PTK2B: variants seen among roughly 807,000 people sequenced by gnomAD.
PTK2B encodes the protein protein-tyrosine kinase 2-beta.
A neutral mutation model predicts 142.9 loss-of-function variants in PTK2B; 71 were observed. The ratio of observed to expected loss-of-function variants is 0.50; its 90% confidence interval spans 0.41 to 0.61. The LOEUF (loss-of-function observed/expected upper bound fraction) is 0.61. Ranked by LOEUF, PTK2B falls within the 20% of genes least tolerant of loss-of-function variation. The pLI, the probability that PTK2B is intolerant of heterozygous loss-of-function variation, is 0.00. For missense variants in PTK2B, 1,105 were observed against 1,320.4 expected (o/e 0.84, Z 2.53); for synonymous variants, 519 against 503.4 (o/e 1.03, Z -0.42).
At chr8:27,452,402 C>G (rs1370964223) in intron 27 of PTK2B, 1 of 152,178 alleles carries the variant, frequency 6.6e-6, no homozygotes, top group African/African-American at 2.4e-5. Context: ...AAGACCCCAT[C>G]TCTACAAAAG....
chr8:27,325,044 C>T (rs1001037524), upstream of PTK2B, among the ~76,000 whole-genome samples: 2 of 152,202 alleles, frequency 1.3e-5, no homozygotes, highest in East Asian at 1.9e-4. Context: ...CCGGTTCTGC[C>T]AAAATCCCTA....
intron 1 of PTK2B, among the ~76,000 whole-genome samples, chr8:27,360,260 C>T (rs181665364): frequency 1.8e-3 from 276 of 152,350 alleles, no homozygotes; most frequent in South Asian, 2.9e-3. Context: ...TAAAGAGACA[C>T]AGTCCTCCCT....
chr8:27,347,844 T>C (rs1804806606), intron 1 of PTK2B, among the ~76,000 whole-genome samples: 1 of 152,216 alleles, frequency 6.6e-6, no homozygotes, highest in African/African-American at 2.4e-5. Context: ...TATTTCTACC[T>C]CTCATGCATT....
At chr8:27,403,558 T>C (rs1272966057) in intron 2 of PTK2B, among the ~76,000 whole-genome samples, 1 of 152,216 alleles carries the variant, frequency 6.6e-6, no homozygotes, top group East Asian at 1.9e-4. Flanking sequence ...ATTTCCTTTT[T>C]GTTTGATATT....
chr8:27,328,082 A>G (rs1467042041), intron 1 of PTK2B, among the ~76,000 whole-genome samples: 1 of 152,144 alleles, frequency 6.6e-6, no homozygotes, highest in African/African-American at 2.4e-5. Context: ...CAGAGTCTGC[A>G]TTATGTTTTT....
At chr8:27,357,710 C>T (rs965746565) in intron 1 of PTK2B, among the ~76,000 whole-genome samples, 1 of 152,142 alleles carries the variant, frequency 6.6e-6, no homozygotes, top group African/African-American at 2.4e-5. Flanking sequence ...TATAGATAGC[C>T]AAGAGTAAGT....
chr8:27,419,607 G>A (rs1286413710), intron 2 of PTK2B, among the ~76,000 whole-genome samples: 1 of 152,194 alleles, frequency 6.6e-6, no homozygotes, highest in Non-Finnish European at 1.5e-5. Flanking sequence ...TGGTTAGATT[G>A]TAATGAGGTG....
intron 2 of PTK2B, among the ~76,000 whole-genome samples, chr8:27,407,211 T>C (rs1229325355): frequency 1.3e-5 from 2 of 152,146 alleles, no homozygotes; most frequent in Non-Finnish European, 2.9e-5. Flanking sequence ...TTTTTCTGCC[T>C]TCTCAGAACT....
chr8:27,437,366 A>C (rs1586324277), intron 16 of PTK2B, 30 bp from the exon 17 acceptor site: 1 of 1,596,422 alleles, frequency 6.3e-7, no homozygotes, highest in Middle Eastern at 1.7e-4. Flanking sequence ...GAGCCGCTCC[A>C]CCTGTCCCTC....
intron 27 of PTK2B, chr8:27,452,856 G>A (rs1363189412): frequency 1.8e-6 from 1 of 552,622 alleles, no homozygotes; most frequent in Non-Finnish European, 3.2e-6. Context: ...CCAGAGCTGG[G>A]GCACCACTGC....
intron 1 of PTK2B, among the ~76,000 whole-genome samples, chr8:27,356,972 A>G (rs891026723): frequency 6.6e-6 from 1 of 152,220 alleles, no homozygotes; most frequent in Non-Finnish European, 1.5e-5. Flanking sequence ...ACAGTTCTGT[A>G]TCTTGACTGT....
chr8:27,340,944 G>A (rs1413770391), intron 1 of PTK2B, among the ~76,000 whole-genome samples: 1 of 152,242 alleles, frequency 6.6e-6, no homozygotes, highest in African/African-American at 2.4e-5. Context: ...GCTTGGCCAG[G>A]CGGGTAAGAA....
At chr8:27,433,703 C>A in intron 11 of PTK2B, 151 bp downstream of exon 11, 2 of 727,434 alleles carry the variant, frequency 2.7e-6, no homozygotes, top group Non-Finnish European at 4.5e-6. Flanking sequence ...GTGGGCCCAT[C>A]TTAGGCTTTA....
At chr8:27,338,539 GGAAA>G (rs1409318047) in intron 1 of PTK2B, among the ~76,000 whole-genome samples, 3 of 151,864 alleles carry the variant, frequency 2.0e-5, no homozygotes, top group African/African-American at 4.8e-5. Flanking sequence ...AAAAACCTAT[GGAAA>G]GAAAGAAAGA....
chr8:27,338,534 C>T (rs1384788151), intron 1 of PTK2B, among the ~76,000 whole-genome samples: 1 of 151,964 alleles, frequency 6.6e-6, no homozygotes, highest in African/African-American at 2.4e-5. Flanking sequence ...TCCCCAAAAA[C>T]CTATGGAAAG....
At chr8:27,455,880 C>G (rs1812112584) in intron 30 of PTK2B, among the ~76,000 whole-genome samples, 1 of 152,238 alleles carries the variant, frequency 6.6e-6, no homozygotes, top group African/African-American at 2.4e-5. Context: ...CCGTCTGGAG[C>G]CCTTTGATCC....
intron 1 of PTK2B, among the ~76,000 whole-genome samples, chr8:27,395,276 G>A (rs1324134217): frequency 1.3e-5 from 2 of 152,126 alleles, no homozygotes; most frequent in Non-Finnish European, 2.9e-5. Context: ...CATGCGTTGT[G>A]CTCTGACCTT....
chr8:27,329,450 G>A (rs979311911), intron 1 of PTK2B, among the ~76,000 whole-genome samples: 1 of 152,088 alleles, frequency 6.6e-6, no homozygotes, highest in African/African-American at 2.4e-5. Context: ...GTGAGGCTAG[G>A]GAGGGGAGGG....
chr8:27,403,634 A>G (rs139727082), intron 2 of PTK2B, among the ~76,000 whole-genome samples: 10 of 152,084 alleles, frequency 6.6e-5, no homozygotes, highest in African/African-American at 2.2e-4. Flanking sequence ...ATATCATTAT[A>G]TTTTTCTCTA....
Sources: gnomAD v4.1 joint callset for allele counts (sites outside exome capture counted in the v4.1 genomes callset) on GRCh38, gnomAD v4.1.1 for gene constraint, MANE v1.5 for transcripts, NCBI Gene and HGNC (gene_info 2026-07-23, HGNC 2026-07-21) for gene names.